TET2: variants seen among roughly 807,000 people sequenced by gnomAD.
The protein encoded by TET2 is methylcytosine dioxygenase TET2.
A neutral mutation model predicts 142.9 loss-of-function variants in TET2; 299 were observed. The observed-to-expected ratio is 2.09, with a 90% confidence interval of 1.90 to 2.30. The LOEUF is 2.30. Among genes scored for constraint, TET2 ranks in the 30% most tolerant of loss-of-function variants. The pLI, the probability that TET2 is intolerant of heterozygous loss-of-function variation, is 0.00. For missense variants in TET2, 2,418 were observed against 2,378.0 expected (o/e 1.02, Z -0.35); for synonymous variants, 819 against 849.0 (o/e 0.96, Z 0.61).
intron 2 of TET2, among the ~76,000 whole-genome samples, chr4:105,217,906 T>C (rs1378128588): frequency 2.0e-5 from 3 of 151,982 alleles, no homozygotes; most frequent in Non-Finnish European, 4.4e-5. Flanking sequence ...GAAGACATCA[T>C]TTTAGGGTGG....
At chr4:105,169,008 T>C (rs1724310368) in intron 1 of TET2, among the ~76,000 whole-genome samples, 1 of 152,242 alleles carries the variant, frequency 6.6e-6, no homozygotes, top group Non-Finnish European at 1.5e-5. Flanking sequence ...TTGGGTTGGT[T>C]CCACATTTTT....
At chr4:105,239,017 G>T in intron 3 of TET2, 1 of 242,492 alleles carries the variant, frequency 4.1e-6, no homozygotes, top group Non-Finnish European at 8.7e-6. Context: ...GGAGCTCTTG[G>T]GTGACTAGGT....
At chr4:105,239,570 C>T (rs1729176542) in intron 3 of TET2, 1 of 238,338 alleles carries the variant, frequency 4.2e-6, no homozygotes, top group African/African-American at 2.2e-5. Flanking sequence ...CTTCATAGAA[C>T]TGAAGGGAGT....
chr4:105,167,270 A>G lies in TET2; in HGVS notation c.-193+20291A>G, dbSNP rs146775081. Among the ~76,000 whole-genome samples the G allele has an allele frequency of 3.3e-5, 5 of 152,194 alleles. No individual in the cohort carries two copies. The East Asian group carries it at 5.8e-4, about 18-fold the overall frequency. ...TCGTGGCTCAAATCATATAAAATGT[A>G]TTAAATTTTGTGGGAAAATTAGGCA... On this transcript the variant is annotated intron_variant, in intron 1 of 10. Transcript: ENST00000380013.
At chr4:105,173,218 A>G (rs752153121) in intron 1 of TET2, among the ~76,000 whole-genome samples, 11 of 152,106 alleles carry the variant, frequency 7.2e-5, no homozygotes, top group Non-Finnish European at 1.3e-4. Flanking sequence ...TACCAAAACG[A>G]TAAGTTCCAA....
At chr4:105,161,900 C>CT (rs1343315803) in intron 1 of TET2, among the ~76,000 whole-genome samples, 1 of 152,028 alleles carries the variant, frequency 6.6e-6, no homozygotes, top group Admixed American at 6.5e-5. Flanking sequence ...GGCTGTTCGT[C>CT]TTTTTTCAGT....
At chr4:105,253,699 A>G (rs1729983553) in intron 6 of TET2, among the ~76,000 whole-genome samples, 2 of 152,112 alleles carry the variant, frequency 1.3e-5, no homozygotes, top group African/African-American at 4.8e-5. Context: ...GGTGAGAGGC[A>G]ACATACTTGC....
In TET2 at chr4:105,236,923, A is replaced by G; in HGVS notation, c.2981A>G (p.His994Arg). Residue 994 changes from histidine (H) to arginine (R), a missense_variant, in exon 3 of 11, where the codon CAC (histidine) becomes CGC (arginine). Transcript: ENST00000380013. The stretch of plus-strand genomic sequence containing the variant: ...GGATGCAAGCCACATGCCTGTATGC[A>G]CACAGCACCACCAGAAAACAAAACA... ...EPGCKPHACM[H>R]TAPPENKTWK... 6.2e-7 allele frequency: 1 copy of G among 1,614,154 alleles called. No homozygotes were observed. Among genetic ancestry groups the G allele is most frequent in the Non-Finnish European group, 8.5e-7 (1 of 1,180,028 alleles).
At chr4:105,255,165 G>C (rs992021609) in intron 6 of TET2, among the ~76,000 whole-genome samples, 2 of 152,166 alleles carry the variant, frequency 1.3e-5, no homozygotes, top group Non-Finnish European at 2.9e-5. Context: ...TTTTCTAGAA[G>C]TTTGTTCTCT....
In TET2 at chr4:105,275,604, C is replaced by A. The variant is rs2110313824; in HGVS notation, c.5094C>A (p.Asn1698Lys). ...CATCTAAATACTTAGGTTATGGAAA[C>A]CAAAATATGCAGGGAGATGGTTTCA... ...SFTSKYLGYG[N>K]QNMQGDGFSS... Residue 1698 changes from asparagine to lysine, a missense_variant, in exon 11 of 11, where the codon AAC becomes AAA. Coordinates refer to ENST00000380013, the MANE Select transcript of TET2 (RefSeq NM_001127208.3). The A allele has an allele frequency of 6.4e-7, 1 of 1,551,722 alleles. No individual in the cohort carries two copies. The highest frequency in any genetic ancestry group is 1.7e-4 in the Middle Eastern group (1 of 5,996).
intron 1 of TET2, among the ~76,000 whole-genome samples, chr4:105,178,883 G>A (rs1240587034): frequency 6.6e-6 from 1 of 152,174 alleles, no homozygotes; most frequent in Non-Finnish European, 1.5e-5. Context: ...TACTGCCTGA[G>A]ACTGAGTAAT....
At position 105,260,669 on chromosome 4, in the gene TET2, T is replaced by C. The variant is rs377197528; in HGVS notation, c.3954+900T>C. 3.4e-4 allele frequency among the ~76,000 whole-genome samples: 52 copies of C among 152,282 alleles called. No individual in the cohort carries two copies. The East Asian group carries it at 7.1e-3, about 21-fold the overall frequency. The stretch of plus-strand genomic sequence containing the variant: ...GATGAGTCCCTTTAAATGAAGAATT[T>C]GTTAACCTTATTAAGCTTTCACTTA... On this transcript the variant is annotated intron_variant, in intron 7 of 10. Transcript: ENST00000380013.
intron 6 of TET2, among the ~76,000 whole-genome samples, chr4:105,253,559 T>G (rs2110273912): frequency 6.6e-6 from 1 of 151,676 alleles, no homozygotes; most frequent in Middle Eastern, 3.4e-3. Flanking sequence ...TTTTTTTTTT[T>G]GGTCATTCTT....
At chr4:105,199,720 T>G (rs1466825331) in intron 2 of TET2, among the ~76,000 whole-genome samples, 2 of 152,130 alleles carry the variant, frequency 1.3e-5, no homozygotes, top group African/African-American at 4.8e-5. Flanking sequence ...TAGGCCCCGG[T>G]GTGTGTTGTT....
intron 2 of TET2, among the ~76,000 whole-genome samples, chr4:105,215,575 G>A (rs1727442766): frequency 6.6e-6 from 1 of 152,148 alleles, no homozygotes; most frequent in South Asian, 2.1e-4. Context: ...AAAAGATTTA[G>A]AGTTTTGAAA....
intron 4 of TET2, chr4:105,241,867 T>A: frequency 8.0e-7 from 1 of 1,246,862 alleles, no homozygotes; most frequent in South Asian, 4.1e-5. Flanking sequence ...ATCTCTAAGT[T>A]TTCTTTTACC....
In TET2 at chr4:105,279,060, T is replaced by C. The variant is rs1731344701; in HGVS notation, c.*2541T>C. ...AGCTGGCTTTTGTCTTTTTAAAAAA[T>C]TTCTTGAATTTGTGGTTGTGTCCAA... On this transcript the variant is annotated 3_prime_UTR_variant, in exon 11 of 11. Transcript: ENST00000380013. 2 of 232,708 alleles carry C rather than the reference T, an allele frequency of 8.6e-6. No homozygotes were observed. The highest frequency in any genetic ancestry group is 3.6e-4 in the South Asian group (2 of 5,514). The allele number at this position is 232,708 out of a possible 1,614,324, so 14.4% of individuals were successfully genotyped here.
At chr4:105,239,073 T>TGTTTTTTTG (rs1729128487) in intron 3 of TET2, 1 of 145,752 alleles carries the variant, frequency 6.9e-6, no homozygotes, top group South Asian at 3.5e-4. Context: ...TTTTGTTTTT[T>TGTTTTTTTG]GTTTTTTTTT....
chr4:105,161,120 C>G (rs766708991), intron 1 of TET2, among the ~76,000 whole-genome samples: 1 of 152,092 alleles, frequency 6.6e-6, no homozygotes, highest in Non-Finnish European at 1.5e-5. Context: ...TATTATCTGA[C>G]CGAATCTATT....
Sources: gnomAD v4.1 joint callset for allele counts (sites outside exome capture counted in the v4.1 genomes callset) on GRCh38, gnomAD v4.1.1 for gene constraint, MANE v1.5 for transcripts, NCBI Gene and HGNC (gene_info 2026-07-23, HGNC 2026-07-21) for gene names.